Variants in WDR11 observed in about 807,000 individuals in gnomAD.
WDR11 encodes WD repeat domain 11, also known as WD repeat-containing protein 11.
WDR11 carries 83 observed loss-of-function variants against 151.2 expected under a neutral mutation model. That is an observed-to-expected ratio of 0.55 (90% CI 0.46 to 0.66). The LOEUF (loss-of-function observed/expected upper bound fraction) is 0.66, where lower values mean the gene tolerates loss of function less well. WDR11 is among the 30% of genes least tolerant of loss of function. The probability of loss-of-function intolerance (pLI) is 0.00; values close to 1 mark genes in which losing one functional copy is unlikely to be tolerated. For missense variants in WDR11, 1,301 were observed against 1,480.9 expected (o/e 0.88, Z 1.99); for synonymous variants, 484 against 533.1 (o/e 0.91, Z 1.27).
At position 120,878,460 on chromosome 10, in the gene WDR11, G is replaced by T; in HGVS notation, c.1663+1G>T. ...CTTCAACTGGTTGATCTTCCAACAG[G>T]TTTGTTTTTAAAGATCCAAATAGGT... On this transcript the variant is annotated splice_donor_variant, in intron 12 of 28. Transcript: ENST00000263461. LOFTEE classifies it high-confidence loss of function. The T allele has an allele frequency of 6.2e-7, 1 of 1,611,090 alleles. No individual in the cohort carries two copies. The highest frequency in any genetic ancestry group is 8.5e-7 in the Non-Finnish European group (1 of 1,177,684).
intron 13 of WDR11, among the ~76,000 whole-genome samples, chr10:120,881,220 C>T (rs1189672076): frequency 6.6e-6 from 1 of 152,128 alleles, no homozygotes; most frequent in East Asian, 1.9e-4. Flanking sequence ...AATTTAAACT[C>T]ATTTTGCTTC....
At chr10:120,877,317 T>G (rs1846830306) in intron 11 of WDR11, among the ~76,000 whole-genome samples, 1 of 152,214 alleles carries the variant, frequency 6.6e-6, no homozygotes, top group African/African-American at 2.4e-5. Context: ...TTATATGAAT[T>G]TTTCCTCTTC....
rs7923412 is a variant in WDR11 at position 120,878,484 on chromosome 10, G to A, written c.1663+25G>A. 0.017 allele frequency: 26,629 copies of A among 1,565,934 alleles called. 340 individuals are homozygous for A. Among genetic ancestry groups the A allele is most frequent in the African/African-American group, 0.057 (4,216 of 73,932 alleles). On this transcript the variant is annotated intron_variant, in intron 12 of 28. Coordinates refer to ENST00000263461, the MANE Select transcript of WDR11 (RefSeq NM_018117.12). Reference sequence around the variant, plus strand: ...GGTTTGTTTTTAAAGATCCAAATAGGTTTGTCATATTGAATAAACATGTTG... The same window carrying A: ...GGTTTGTTTTTAAAGATCCAAATAGATTTGTCATATTGAATAAACATGTTG...
In WDR11 at chr10:120,851,392, AG is replaced by A. The variant is rs775813503; in HGVS notation, c.-28del. ...GTCCGCCGCTTCCTGGTTGCGGGTC[AG>A]CGCCCAGGTCCTGGGCTGGCCGCCG... On this transcript the variant is annotated 5_prime_UTR_variant, in exon 1 of 29. Transcript: ENST00000263461. The A allele has an allele frequency of 1.0e-5, 16 of 1,592,708 alleles. No individual in the cohort carries two copies. The highest frequency in any genetic ancestry group is 5.2e-5 in the Admixed American group (3 of 57,280).
In WDR11 at chr10:120,908,838, T is replaced by C; in HGVS notation, c.*125T>C. 1 of 1,035,604 alleles carries C rather than the reference T, an allele frequency of 9.7e-7. No homozygotes were observed. Among genetic ancestry groups the C allele is most frequent in the Non-Finnish European group, 1.5e-6 (1 of 687,364 alleles). The allele number at this position is 1,035,604 out of a possible 1,614,324, so 64.2% of individuals were successfully genotyped here. ...GGTCCTGTGAGCTGTTTGACCACTG[T>C]TCTAAGACTATGTGTGCCCAAAAGC... is the stretch of plus-strand genomic sequence containing the variant. On this transcript the variant is annotated 3_prime_UTR_variant, in exon 29 of 29. Coordinates refer to ENST00000263461, the MANE Select transcript of WDR11 (RefSeq NM_018117.12).
intron 13 of WDR11, among the ~76,000 whole-genome samples, chr10:120,882,303 G>A (rs1474539693): frequency 6.6e-6 from 1 of 151,944 alleles, no homozygotes; most frequent in African/African-American, 2.4e-5. Flanking sequence ...ATATTATTAA[G>A]AGTTTTTATA....
intron 28 of WDR11, 78 bp from the exon 29 acceptor site, chr10:120,908,478 A>G: frequency 6.6e-7 from 1 of 1,506,728 alleles, no homozygotes; most frequent in South Asian, 1.1e-5. Context: ...GACGCGACTC[A>G]CCCTTCCTGC....
chr10:120,863,555 G>A (rs974298037), intron 5 of WDR11, among the ~76,000 whole-genome samples: 11 of 152,060 alleles, frequency 7.2e-5, no homozygotes, highest in Admixed American at 2.0e-4. Flanking sequence ...AGAAGATGTC[G>A]GCTGTTATTA....
chr10:120,901,047 A>G lies in WDR11; in HGVS notation c.2636A>G (p.Glu879Gly). 3.1e-6 allele frequency: 5 copies of G among 1,612,576 alleles called. No individual in the cohort carries two copies. The highest frequency in any genetic ancestry group is 4.2e-6 in the Non-Finnish European group (5 of 1,178,726). ...TTTTTTCTTTACAGTGACTATCCAG[A>G]AAATGAAGAAATAAAGAATCTCCTC... The part of the protein sequence containing the change: ...SLDISHVDYP[E>G]NEEIKNLLQE... Residue 879 changes from glutamate (E) to glycine (G), a missense_variant, in exon 21 of 29, where the codon GAA becomes GGA. Transcript: ENST00000263461.
In WDR11 at chr10:120,890,855, C is replaced by T. The variant is rs1238973563; in HGVS notation, c.2483C>T (p.Ala828Val). 1.5e-5 allele frequency: 24 copies of T among 1,613,964 alleles called. No homozygotes were observed. Among genetic ancestry groups the T allele is most frequent in the Non-Finnish European group, 1.4e-5 (16 of 1,180,026 alleles). Residue 828 changes from alanine to valine, a missense_variant, in exon 19 of 29, where the codon GCG becomes GTG. By Grantham distance (64) the Ala-to-Val change is moderately conservative. Around this residue, in one of 3 missense-constraint regions of WDR11, gnomAD observed 589 missense variants for 670.6 expected, o/e 0.88. Coordinates refer to ENST00000263461, the MANE Select transcript of WDR11 (RefSeq NM_018117.12). ...GTCCTAGAGATGTCTATGAAGTCTG[C>T]GTGCTTTAGAATGGATGAACAAGAG... ...IRVLEMSMKS[A>V]CFRMDEQELT...
chr10:120,853,921 A>G (rs1028029052), intron 2 of WDR11, among the ~76,000 whole-genome samples: 5 of 152,234 alleles, frequency 3.3e-5, no homozygotes, highest in East Asian at 1.9e-4. Context: ...AGTTTTCAAC[A>G]TGCAAAATCT....
intron 1 of WDR11, chr10:120,852,016 TCTC>T: frequency 9.6e-6 from 1 of 104,356 alleles, no homozygotes; most frequent in Non-Finnish European, 2.1e-5. Flanking sequence ...TCTTTATTAC[TCTC>T]TCCTTTCACT....
chr10:120,871,217 C>G lies in WDR11; in HGVS notation c.1342C>G (p.Arg448Gly). ...AGAACATCCCAGAGGTTCAATTCTG[C>G]GGGAAGTGCACCTCAAGTTCCTGCT... ...GEEHPRGSIL[R>G]EVHLKFLLTG... Residue 448 changes from arginine (R) to glycine (G), a missense_variant, in exon 10 of 29, where the codon CGG becomes GGG. By Grantham distance (125) the Arg-to-Gly change is moderately radical (BLOSUM62 -2). Coordinates refer to ENST00000263461, the MANE Select transcript of WDR11 (RefSeq NM_018117.12). 1 of 1,614,112 alleles carries G rather than the reference C, an allele frequency of 6.2e-7. No homozygotes were observed. Among genetic ancestry groups the G allele is most frequent in the Non-Finnish European group, 8.5e-7 (1 of 1,180,024 alleles).
intron 2 of WDR11, among the ~76,000 whole-genome samples, chr10:120,853,845 G>A (rs1415044103): frequency 1.3e-5 from 2 of 152,220 alleles, no homozygotes; most frequent in East Asian, 3.9e-4. Context: ...GGTTTCTTTT[G>A]GTGTAATTGA....
rs1366460077 is a variant in WDR11 at position 120,904,680 on chromosome 10, G to A, written c.3062G>A (p.Ser1021Asn). ...DRAVQLLLET[S>N]ADNQHYYCDS... ...GCTGTGCAGTTGCTGTTGGAAACAA[G>A]TGCAGATAACCAGCATTATTACTGT... Residue 1021 changes from serine to asparagine, a missense_variant, in exon 25 of 29, where the codon AGT (serine) becomes AAT (asparagine). Ser to Asn is a conservative substitution (Grantham distance 46). Around this residue, in one of 3 missense-constraint regions of WDR11, gnomAD observed 589 missense variants for 670.6 expected, o/e 0.88. Coordinates refer to ENST00000263461, the MANE Select transcript of WDR11 (RefSeq NM_018117.12). 3.1e-6 allele frequency: 5 copies of A among 1,614,060 alleles called. No homozygotes were observed. In the African/African-American group the frequency reaches 6.7e-5, roughly 22 times the overall value.
intron 25 of WDR11, among the ~76,000 whole-genome samples, chr10:120,905,028 G>A (rs952337401): frequency 2.6e-5 from 4 of 152,122 alleles, no homozygotes; most frequent in South Asian, 2.1e-4. Context: ...AATAATTGCT[G>A]AGATAATAGG....
chr10:120,906,952 T>C, intron 28 of WDR11, 97 bp downstream of exon 28: 1 of 1,536,988 alleles, frequency 6.5e-7, no homozygotes. Flanking sequence ...AGGAACTATA[T>C]TATATTGTGA....
chr10:120,852,589 C>T lies in WDR11; in HGVS notation c.152C>T (p.Ala51Val). The T allele has an allele frequency of 6.2e-7, 1 of 1,613,960 alleles. No homozygotes were observed. The highest frequency in any genetic ancestry group is 8.5e-7 in the Non-Finnish European group (1 of 1,179,950). ...GTGGTAGTGATTGATTCCATTACTG[C>T]CCAAACTCTTCAAGTTTTAGAAAAG... is the stretch of plus-strand genomic sequence containing the variant. ...SLVVVIDSIT[A>V]QTLQVLEKHK... Residue 51 changes from alanine (A) to valine (V), a missense_variant, in exon 2 of 29, where the codon GCC becomes GTC. Ala to Val is a moderately conservative substitution (Grantham distance 64). Coordinates refer to ENST00000263461, the MANE Select transcript of WDR11 (RefSeq NM_018117.12).
chr10:120,907,654 T>C (rs28384205), intron 28 of WDR11: 1 of 151,624 alleles, frequency 6.6e-6, no homozygotes, highest in African/African-American at 2.4e-5. Flanking sequence ...ATTTTTTTTT[T>C]CCTTTTTTTG....
Sources: allele counts gnomAD v4.1 joint callset (sites outside exome capture counted in the v4.1 genomes callset), GRCh38; gene constraint gnomAD v4.1.1; regional missense constraint gnomAD v4.1.1; transcripts MANE v1.5; gene names NCBI Gene and HGNC (gene_info 2026-07-23, HGNC 2026-07-21).